Variants in ZIM3 observed in about 807,000 individuals in gnomAD.
ZIM3 encodes zinc finger imprinted 3, also known as zinc finger protein 657.
A neutral mutation model predicts 12.9 loss-of-function variants in ZIM3; 11 were observed. The ratio of observed to expected loss-of-function variants is 0.85; its 90% CI spans 0.54 to 1.41. The LOEUF (loss-of-function observed/expected upper bound fraction) is 1.41. ZIM3 is among the 40% of genes most tolerant of loss of function. The probability of loss-of-function intolerance (pLI) is 0.00; values close to 1 mark genes in which losing one functional copy is unlikely to be tolerated. For missense variants in ZIM3, 604 were observed against 557.2 expected (o/e 1.08, Z -0.85); for synonymous variants, 205 against 198.5 (o/e 1.03, Z -0.28).
chr19:57,138,132 G>GA (rs1225730791), intron 3 of ZIM3, among the ~76,000 whole-genome samples: 1 of 126,524 alleles, frequency 7.9e-6, no homozygotes, highest in African/African-American at 3.2e-5. Context: ...GGGAGGGAGG[G>GA]AGGGAGGGAA....
rs2086924917 is a variant in ZIM3 at position 57,143,672 on chromosome 19, T to C, written c.-42-987A>G. On this transcript the variant is annotated intron_variant, in intron 1 of 4. Coordinates refer to ENST00000269834, the MANE Select transcript of ZIM3 (RefSeq NM_052882.1). ...TGGGAGGATCAGTTGAGCCCAGGAGTTACTTTTTTTTTTTTTTTTTTAAGA... is the reference window on the plus strand; with the variant it reads ...TGGGAGGATCAGTTGAGCCCAGGAGCTACTTTTTTTTTTTTTTTTTTAAGA... 2.4e-5 allele frequency among the ~76,000 whole-genome samples: 3 copies of C among 127,626 alleles called. No individual in the cohort carries two copies. In the South Asian group the frequency reaches 8.5e-4, roughly 36 times the overall value. The allele number at this position is 127,626 out of a possible 152,430, so 83.7% of individuals were successfully genotyped here.
At chr19:57,139,352 G>T (rs77399155) in intron 2 of ZIM3, among the ~76,000 whole-genome samples, 1 of 151,656 alleles carries the variant, frequency 6.6e-6, no homozygotes, top group African/African-American at 2.4e-5. Flanking sequence ...AAAAGAAAAA[G>T]AAAAGAAAAG....
intron 2 of ZIM3, among the ~76,000 whole-genome samples, chr19:57,142,262 G>A (rs1017794439): frequency 4.7e-5 from 7 of 147,426 alleles, no homozygotes; most frequent in East Asian, 4.2e-4. Flanking sequence ...TCCCACCTCC[G>A]CCTCCAGAGT....
At position 57,135,371 on chromosome 19, in the gene ZIM3, A is replaced by G. The variant is rs759888919; in HGVS notation, c.966T>C (p.Leu322=). The change falls in exon 5 of 5, where the codon CTT becomes CTC. Residue 322 remains leucine (L), a synonymous_variant. Transcript: ENST00000269834. ...CGKAFIYKSD[L]VKHQRIHTGE... is the part of the protein sequence containing the mutation. Reference sequence around the variant, plus strand: ...CCGTGTGTATTCTCTGGTGTTTCACAAGATCTGACTTGTAAATGAAAGCCT... The same window carrying G: ...CCGTGTGTATTCTCTGGTGTTTCACGAGATCTGACTTGTAAATGAAAGCCT... 1.1e-5 allele frequency: 17 copies of G among 1,613,862 alleles called. No individual in the cohort carries two copies. The highest frequency in any genetic ancestry group is 1.7e-5 in the Admixed American group (1 of 59,990).
intron 2 of ZIM3, among the ~76,000 whole-genome samples, chr19:57,142,142 C>CA (rs761910786): frequency 8.9e-6 from 1 of 112,466 alleles, no homozygotes; most frequent in African/African-American, 3.3e-5. Context: ...CGTAACCAAG[C>CA]TTTTTTTTTT....
chr19:57,136,845 G>A (rs1165914755), intron 4 of ZIM3, 28 bp downstream of exon 4: 3 of 1,602,588 alleles, frequency 1.9e-6, no homozygotes, highest in Admixed American at 3.3e-5. Context: ...ATGCACCATT[G>A]ACCCACAGTG....
chr19:57,136,710 C>A (rs1303541686), intron 4 of ZIM3, among the ~76,000 whole-genome samples, 163 bp downstream of exon 4: 1 of 151,170 alleles, frequency 6.6e-6, no homozygotes, highest in Non-Finnish European at 1.5e-5. Flanking sequence ...AAAGGAAAAC[C>A]CAGATAAGAA....
rs2086880966 is a variant in ZIM3, at chr19:57,135,335, G to A, written c.1002C>T (p.Pro334=). The change falls in exon 5 of 5, where the codon CCC becomes CCT. Residue 334 remains proline, a synonymous_variant. Coordinates refer to ENST00000269834, the MANE Select transcript of ZIM3 (RefSeq NM_052882.1). ...KHQRIHTGEK[P]YKCSICEKAF... ...CCTTCTCACATATGCTACATTTATA[G>A]GGTTTCTCTCCCGTGTGTATTCTCT... The A allele has an allele frequency of 7.4e-6, 12 of 1,614,022 alleles. No homozygotes were observed. In the East Asian group the frequency reaches 2.5e-4, roughly 33 times the overall value.
At position 57,134,895 on chromosome 19, in the gene ZIM3, G is replaced by A; in HGVS notation, c.*23C>T. On this transcript the variant is annotated 3_prime_UTR_variant, in exon 5 of 5. Transcript: ENST00000269834. ...ATTCCAGGCAACCATATCTTCCCAT[G>A]TTTTTTTAAGTGCATGGGGCTCCTA... The A allele has an allele frequency of 6.4e-7, 1 of 1,569,258 alleles. No homozygotes were observed.
At chr19:57,142,867 GTGTT>G (rs1290454192) in intron 1 of ZIM3, among the ~76,000 whole-genome samples, 182 bp from the exon 2 acceptor site, 7 of 150,138 alleles carry the variant, frequency 4.7e-5, no homozygotes, top group Admixed American at 1.3e-4. Context: ...TGGTTTTTTT[GTGTT>G]TGTTTATTTA....
Position 57,135,589 on chromosome 19 carries a change from G to T in ZIM3, c.748C>A (p.Pro250Thr). ...QHQKMHTKEK[P>T]YQCKTCGKAF... ...TTTCCACATGTCTTACACTGATAGG[G>T]TTTCTCTTTAGTATGCATTTTCTGA... Residue 250 changes from proline (P) to threonine (T), a missense_variant, in exon 5 of 5, where the codon CCC becomes ACC. Transcript: ENST00000269834. 1.2e-6 allele frequency: 2 copies of T among 1,613,924 alleles called. No homozygotes were observed. The highest frequency in any genetic ancestry group is 2.2e-5 in the South Asian group (2 of 91,080).
At position 57,138,050 on chromosome 19, in the gene ZIM3, GGAAA is replaced by G. The variant is rs1450826542; in HGVS notation, c.142+418_142+421del. On this transcript the variant is annotated intron_variant, in intron 3 of 4. Transcript: ENST00000269834. Reference sequence around the variant, plus strand: ...AGGAAGGAAAGAAGGAAGGAAGGAAGGAAAGAAGGAAGGAAGGAAGGAAGGAAAG... The same window carrying G: ...AGGAAGGAAAGAAGGAAGGAAGGAAGGAAGGAAGGAAGGAAGGAAGGAAAG... 1.3e-3 allele frequency among the ~76,000 whole-genome samples: 83 copies of G among 66,328 alleles called. 3 individuals are homozygous for G. The East Asian group carries it at 0.014, about 11-fold the overall frequency. 43.5% of individuals were successfully genotyped at this position (66,328 alleles called of 152,430 possible).
At chr19:57,139,076 C>G (rs978149375) in intron 2 of ZIM3, among the ~76,000 whole-genome samples, 1 of 152,158 alleles carries the variant, frequency 6.6e-6, no homozygotes, top group Non-Finnish European at 1.5e-5. Flanking sequence ...CCTGTAATCC[C>G]TGCACTTTGG....
Position 57,135,965 on chromosome 19 carries a change from C to G in ZIM3, c.372G>C (p.Lys124Asn), listed in dbSNP as rs1219814568. ...CATCTATGCCCAGTGGAAGTATTTT[C>G]TTAGATCCGTCACATTCTACACCTT... Reference protein sequence around the residue: ...TQKGVECDGSKKILPLGIDDV... With the variant: ...TQKGVECDGSNKILPLGIDDV... The change falls in exon 5 of 5, where the codon AAG becomes AAC. Residue 124 changes from lysine (K) to asparagine (N), a missense_variant. Lys to Asn is a moderately conservative substitution (Grantham distance 94). Transcript: ENST00000269834. 3 of 1,614,030 alleles carry G rather than the reference C, an allele frequency of 1.9e-6. No individual in the cohort carries two copies. Among genetic ancestry groups the G allele is most frequent in the Admixed American group, 1.7e-5 (1 of 59,982 alleles).
rs2086885301 is a variant in ZIM3, at chr19:57,136,020, G to C, written c.317C>G (p.Ser106Ter). ...VKESLAREVP[S>*]INKETLTTQK... ...CGTAGTCAGCGTTTCCTTATTGATT[G>C]ATGGGACTTCTCTTGCGAGACTCTC... The change falls in exon 5 of 5, where the codon TCA (serine) becomes TGA (stop). Residue 106 changes from serine to a stop codon, truncating the protein, a stop_gained. Transcript: ENST00000269834. LOFTEE classifies it low-confidence loss of function (END_TRUNC). The C allele has an allele frequency of 6.8e-6, 11 of 1,614,128 alleles. No individual in the cohort carries two copies. Among genetic ancestry groups the C allele is most frequent in the Non-Finnish European group, 7.6e-6 (9 of 1,180,030 alleles).
At chr19:57,140,305 C>T (rs12973761) in intron 2 of ZIM3, among the ~76,000 whole-genome samples, 27,090 of 151,346 alleles carry the variant, frequency 0.18, 2,628 homozygotes, top group African/African-American at 0.22. Context: ...GCCTCCTGAG[C>T]AGCTGGGATT....
chr19:57,135,573 G>T lies in ZIM3; in HGVS notation c.764C>A (p.Thr255Lys). The change falls in exon 5 of 5, where the codon ACA (threonine) becomes AAA (lysine). Residue 255 changes from threonine (T) to lysine (K), a missense_variant. Thr to Lys is a moderately conservative substitution (Grantham distance 78). Coordinates refer to ENST00000269834, the MANE Select transcript of ZIM3 (RefSeq NM_052882.1). ...HTKEKPYQCK[T>K]CGKAFSWKSS... ...TTTCCAGGAAAAGGCTTTTCCACAT[G>T]TCTTACACTGATAGGGTTTCTCTTT... 1 of 1,613,938 alleles carries T rather than the reference G, an allele frequency of 6.2e-7. No individual in the cohort carries two copies. Among genetic ancestry groups the T allele is most frequent in the Non-Finnish European group, 8.5e-7 (1 of 1,179,988 alleles).
At chr19:57,136,589 G>A (rs143777789) in intron 4 of ZIM3, among the ~76,000 whole-genome samples, 1 of 151,484 alleles carries the variant, frequency 6.6e-6, no homozygotes, top group East Asian at 1.9e-4. Flanking sequence ...GTTCGAACTC[G>A]GGAGGCGGAG....
Position 57,134,981 on chromosome 19 carries a change from G to A in ZIM3, c.1356C>T (p.Cys452=), listed in dbSNP as rs572615467. 43 of 1,613,968 alleles carry A rather than the reference G, an allele frequency of 2.7e-5. No homozygotes were observed. The highest frequency in any genetic ancestry group is 4.5e-5 in the East Asian group (2 of 44,880). Residue 452 remains cysteine (C), a synonymous_variant, in exon 5 of 5, where the codon TGC becomes TGT. Coordinates refer to ENST00000269834, the MANE Select transcript of ZIM3 (RefSeq NM_052882.1). The part of the protein sequence containing the change: ...TGQKPYGCSE[C]GKAFADRSYL... ...ATGACCTGTCAGCGAAGGCTTTACCGCATTCAGAACATCCATAAGGTTTTT... is the reference window on the plus strand; with the variant it reads ...ATGACCTGTCAGCGAAGGCTTTACCACATTCAGAACATCCATAAGGTTTTT...
Sources: gnomAD v4.1 joint callset for allele counts (sites outside exome capture counted in the v4.1 genomes callset) on GRCh38, gnomAD v4.1.1 for gene constraint, MANE v1.5 for transcripts, NCBI Gene and HGNC (gene_info 2026-07-23, HGNC 2026-07-21) for gene names.